Variants in GORASP2 observed in about 807,000 individuals in gnomAD.
GORASP2 encodes golgi reassembly stacking protein 2.
In GORASP2, 22 loss-of-function variants were observed where a neutral mutation model predicts 45.7. That is an observed-to-expected ratio of 0.48 (90% CI 0.34 to 0.69). The LOEUF is 0.69. Ranked by LOEUF, GORASP2 falls within the 30% of genes least tolerant of loss-of-function variation. GORASP2 has a pLI of 0.01. For missense variants in GORASP2, 491 were observed against 562.7 expected, an observed-to-expected ratio of 0.87 and a Z score of 1.29; for synonymous variants, 221 against 215.6, an observed-to-expected ratio of 1.02 and a Z score of -0.22.
At chr2:170,936,038 C>G (rs1478589374) in intron 1 of GORASP2, among the ~76,000 whole-genome samples, 2 of 152,122 alleles carry the variant, frequency 1.3e-5, no homozygotes, top group African/African-American at 4.8e-5. Flanking sequence ...CAGATACTAA[C>G]AGGGCTTTTT....
chr2:170,966,962 G>C lies in GORASP2; in HGVS notation c.*832G>C, dbSNP rs150507030. 3.5e-4 allele frequency: 53 copies of C among 151,992 alleles called. No individual in the cohort carries two copies. The highest frequency in any genetic ancestry group is 1.2e-3 in the African/African-American group (49 of 41,358). 9.4% of individuals were successfully genotyped at this position (151,992 alleles called of 1,614,324 possible). A position where few individuals can be genotyped will look rare whatever the true frequency, so the allele number is the denominator to read the frequency against. The stretch of plus-strand genomic sequence containing the variant: ...CTAAATTACAACCCTTAATTGCCAC[G>C]TGTGCACTTACTACTCTCCAGTATG... On this transcript the variant is annotated 3_prime_UTR_variant, in exon 10 of 10. Coordinates refer to ENST00000234160, the MANE Select transcript of GORASP2 (RefSeq NM_015530.5).
At chr2:170,957,148 T>C (rs186965171) in intron 7 of GORASP2, among the ~76,000 whole-genome samples, 1 of 152,346 alleles carries the variant, frequency 6.6e-6, no homozygotes, top group East Asian at 1.9e-4. Context: ...TGAAATTCTG[T>C]TTAACTGCTC....
chr2:170,943,697 G>A (rs1445484335), intron 1 of GORASP2, among the ~76,000 whole-genome samples: 5 of 151,996 alleles, frequency 3.3e-5, no homozygotes, highest in Non-Finnish European at 5.9e-5. Flanking sequence ...TTGTGAGATG[G>A]AGCCTTGCTC....
At chr2:170,949,924 A>G (rs1458296331) in intron 3 of GORASP2, 182 bp downstream of exon 3, 1 of 587,026 alleles carries the variant, frequency 1.7e-6, no homozygotes, top group African/African-American at 1.9e-5. Context: ...GAGGAAGAGA[A>G]GCAAATGTAC....
At chr2:170,941,454 T>C (rs1408924877) in intron 1 of GORASP2, among the ~76,000 whole-genome samples, 4 of 152,192 alleles carry the variant, frequency 2.6e-5, no homozygotes, top group East Asian at 3.8e-4. Context: ...TGCACACAAG[T>C]GTATAGCTTG....
intron 1 of GORASP2, among the ~76,000 whole-genome samples, chr2:170,931,268 T>C (rs1253782099): frequency 6.6e-6 from 1 of 152,222 alleles, no homozygotes; most frequent in Non-Finnish European, 1.5e-5. Context: ...AGCTTTAAAA[T>C]AGTAATGATC....
upstream of GORASP2, chr2:170,929,087 C>T (rs1268988957): frequency 2.6e-6 from 1 of 381,544 alleles, no homozygotes. Context: ...AGTCCTCCTC[C>T]GGCCCTCCCT....
chr2:170,957,543 T>G (rs1575478400), intron 7 of GORASP2, among the ~76,000 whole-genome samples: 1 of 152,348 alleles, frequency 6.6e-6, no homozygotes, highest in Non-Finnish European at 1.5e-5. Context: ...TCCAAAGTGC[T>G]GGGATTATAG....
At chr2:170,938,785 G>GT (rs1704011819) in intron 1 of GORASP2, among the ~76,000 whole-genome samples, 1 of 152,216 alleles carries the variant, frequency 6.6e-6, no homozygotes, top group Non-Finnish European at 1.5e-5. Context: ...GAGGTCAGGA[G>GT]TTTGAGACTA....
In GORASP2 at chr2:170,951,322, T is replaced by G. The variant is rs760417217; in HGVS notation, c.436-6T>G. On this transcript the variant is annotated splice_polypyrimidine_tract_variant and splice_region_variant and intron_variant, in intron 4 of 9. Coordinates refer to ENST00000234160, the MANE Select transcript of GORASP2 (RefSeq NM_015530.5). ...TGAAACATTTTCTCCTGTGACACTT[T>G]TGCAGTCTGAAGATCTATTCAGCCT... 5 of 1,592,088 alleles carry G rather than the reference T, an allele frequency of 3.1e-6. No homozygotes were observed. The highest frequency in any genetic ancestry group is 1.8e-5 in the Admixed American group (1 of 54,342).
chr2:170,946,803 G>T (rs563578145), intron 1 of GORASP2, among the ~76,000 whole-genome samples: 1 of 151,560 alleles, frequency 6.6e-6, no homozygotes, highest in East Asian at 1.9e-4. Flanking sequence ...GCGGTGTGGT[G>T]GTGGTGCACA....
chr2:170,955,856 G>A (rs562812897), intron 6 of GORASP2, among the ~76,000 whole-genome samples: 1 of 152,344 alleles, frequency 6.6e-6, no homozygotes, highest in East Asian at 1.9e-4. Context: ...GCTGCAGAAG[G>A]TGGGTTATTC....
At chr2:170,929,723 A>G in intron 1 of GORASP2, 1 of 573,042 alleles carries the variant, frequency 1.7e-6, no homozygotes, top group Non-Finnish European at 3.4e-6. Flanking sequence ...TCTCTCCTCC[A>G]CCCCCCCTCA....
chr2:170,930,408 C>T (rs894009264), intron 1 of GORASP2, among the ~76,000 whole-genome samples: 2 of 152,176 alleles, frequency 1.3e-5, no homozygotes, highest in Non-Finnish European at 2.9e-5. Context: ...GAGTGTCACT[C>T]AATATTAGCT....
Position 170,956,537 on chromosome 2 carries a change from T to A in GORASP2, c.801T>A (p.Ala267=). 1.2e-6 allele frequency: 2 copies of A among 1,613,078 alleles called. No homozygotes were observed. The highest frequency in any genetic ancestry group is 1.7e-6 in the Non-Finnish European group (2 of 1,179,322). Residue 267 remains alanine (A), a synonymous_variant, in exon 7 of 10, where the codon GCT becomes GCA. Transcript: ENST00000234160. ...TTTCTATTAGCTCAACTCCACCAGC[T>A]GTCAGTAGTGTTCTCAGTACAGGTG... ...TGLSISSTPP[A]VSSVLSTGVP...
chr2:170,934,204 ATTC>A (rs1368006974), intron 1 of GORASP2, among the ~76,000 whole-genome samples: 3 of 148,840 alleles, frequency 2.0e-5, no homozygotes, highest in Non-Finnish European at 4.5e-5. Context: ...TGTCTTCTTT[ATTC>A]TTCTAACAGT....
In GORASP2 at chr2:170,959,821, C is replaced by CTTTTTTT. The variant is rs35210942; in HGVS notation, c.824-1830_824-1824dup. On this transcript the variant is annotated intron_variant, in intron 7 of 9. Coordinates refer to ENST00000234160, the MANE Select transcript of GORASP2 (RefSeq NM_015530.5). Reference sequence around the variant, plus strand: ...TTTTTCTGCAGTGTATCACCTTTTTCTTTTTTTTTTTTTTTTTTGAGACGG... The same window carrying CTTTTTTT: ...TTTTTCTGCAGTGTATCACCTTTTTCTTTTTTTTTTTTTTTTTTTTTTTTTGAGACGG... Among the ~76,000 whole-genome samples, 25 of 124,524 alleles carry CTTTTTTT rather than the reference C, an allele frequency of 2.0e-4. 1 individual carries two copies. Among genetic ancestry groups the CTTTTTTT allele is most frequent in the Admixed American group, 2.7e-4 (3 of 11,108 alleles). 81.7% of individuals were successfully genotyped at this position (124,524 alleles called of 152,430 possible). A position where few individuals can be genotyped will look rare whatever the true frequency, so the allele number is the denominator to read the frequency against.
upstream of GORASP2, chr2:170,929,157 CT>C (rs1406854930): frequency 2.3e-5 from 10 of 432,926 alleles, no homozygotes; most frequent in Non-Finnish European, 3.9e-5. Context: ...GCAGGTGGCG[CT>C]GTCTGCGGCG....
chr2:170,943,396 G>A (rs373254871), intron 1 of GORASP2, among the ~76,000 whole-genome samples: 12 of 152,342 alleles, frequency 7.9e-5, no homozygotes, highest in African/African-American at 2.6e-4. Context: ...TGATTGCAGA[G>A]TTAGGAGGAT....
Sources: gnomAD v4.1 joint callset for allele counts (sites outside exome capture counted in the v4.1 genomes callset) on GRCh38, gnomAD v4.1.1 for gene constraint, MANE v1.5 for transcripts, NCBI Gene and HGNC (gene_info 2026-07-23, HGNC 2026-07-21) for gene names.